The following COCH variants were observed in gnomAD, a reference collection of about 807,000 sequenced individuals.
The protein encoded by COCH is cochlin.
A neutral mutation model predicts 54.8 loss-of-function variants in COCH; 40 were observed. That is an observed-to-expected ratio of 0.73 (90% CI 0.57 to 0.95). COCH has a LOEUF of 0.95. Ranked by LOEUF, COCH falls within the 40% of genes least tolerant of loss-of-function variation. The probability of loss-of-function intolerance (pLI) is 0.00; values close to 1 mark genes in which losing one functional copy is unlikely to be tolerated. For missense variants in COCH, 605 were observed against 675.0 expected, an observed-to-expected ratio of 0.90 and a Z score of 1.15; for synonymous variants, 256 against 237.9, an observed-to-expected ratio of 1.08 and a Z score of -0.70.
chr14:30,877,493 A>C lies in COCH; in HGVS notation c.83-79A>C, dbSNP rs1293247315. ...TAGAAATTAGGGAAGTAAAACTTAA[A>C]TCTCACACTGTAGTCTCCCCACCAC... On this transcript the variant is annotated intron_variant, in intron 3 of 11. Transcript: ENST00000396618. The surrounding 1 kb of genome is among the most constrained non-coding windows in gnomAD (Gnocchi z 8.6). 2 of 1,557,618 alleles carry C rather than the reference A, an allele frequency of 1.3e-6. No homozygotes were observed. The highest frequency in any genetic ancestry group is 1.8e-6 in the Non-Finnish European group (2 of 1,140,032).
At chr14:30,885,196 C>G in intron 9 of COCH, 198 bp from the exon 10 acceptor site, 1 of 1,057,070 alleles carries the variant, frequency 9.5e-7, no homozygotes, top group South Asian at 1.6e-5. Context: ...GATAAATAGG[C>G]CTGGTAGATA....
intron 8 of COCH, among the ~76,000 whole-genome samples, chr14:30,881,043 C>T (rs905074615): frequency 2.0e-5 from 3 of 151,634 alleles, no homozygotes; most frequent in South Asian, 4.2e-4. Flanking sequence ...TGTGAAACAC[C>T]GTCTCTACTA....
downstream of COCH, among the ~76,000 whole-genome samples, chr14:30,890,962 C>T (rs763448961): frequency 1.3e-5 from 2 of 151,792 alleles, no homozygotes; most frequent in Non-Finnish European, 2.9e-5. Context: ...CTGCTTGAGC[C>T]GAGGAGGTCA....
At chr14:30,893,289 G>A (rs561651414), downstream of COCH, among the ~76,000 whole-genome samples, 1 of 151,470 alleles carries the variant, frequency 6.6e-6, no homozygotes, top group Non-Finnish European at 1.5e-5. Context: ...TGGGACCATA[G>A]GCACCCGCCA....
intron 8 of COCH, among the ~76,000 whole-genome samples, chr14:30,882,542 TATCACAAATATTC>T (rs1055236871): frequency 7.4e-6 from 1 of 135,788 alleles, no homozygotes; most frequent in African/African-American, 2.6e-5. Flanking sequence ...CATTTTCTCA[TATCACAAATATTC>T]ATCAAAAATA....
chr14:30,892,048 A>G (rs955883489), downstream of COCH, among the ~76,000 whole-genome samples: 2 of 152,236 alleles, frequency 1.3e-5, no homozygotes, highest in Non-Finnish European at 1.5e-5. Context: ...ATGAAATGAG[A>G]GGCAGAATAT....
chr14:30,883,270 AT>A (rs1486819821), intron 8 of COCH, among the ~76,000 whole-genome samples: 1 of 152,158 alleles, frequency 6.6e-6, no homozygotes, highest in Admixed American at 6.5e-5. Context: ...TTAACATCCC[AT>A]GAGGCAAATT....
intron 8 of COCH, among the ~76,000 whole-genome samples, chr14:30,881,724 C>T (rs972363209): frequency 4.0e-5 from 6 of 151,898 alleles, no homozygotes; most frequent in South Asian, 2.1e-4. Context: ...TTTGGGAGGC[C>T]GAGGCGGATG....
At chr14:30,894,026 C>T (rs984636291), downstream of COCH, 4 of 152,482 alleles carry the variant, frequency 2.6e-5, no homozygotes, top group African/African-American at 7.2e-5. Context: ...CATCAAAACT[C>T]GCAAACTGAT....
In COCH at chr14:30,880,706, G is replaced by A. The variant is rs1197333106; in HGVS notation, c.601G>A (p.Gly201Arg). 8 of 1,613,662 alleles carry A rather than the reference G, an allele frequency of 5.0e-6. No individual in the cohort carries two copies. The highest frequency in any genetic ancestry group is 6.8e-6 in the Non-Finnish European group (8 of 1,179,822). The change falls in exon 8 of 12, where the codon GGA becomes AGA. Residue 201 changes from glycine to arginine, a missense_variant. Gly to Arg is a moderately radical substitution (Grantham distance 125). Coordinates refer to ENST00000396618, the MANE Select transcript of COCH (RefSeq NM_004086.3). ...TCTAATGTTGGGAATTGGAACAGAA[G>A]GACCACATGTGGGCCTTGTTCAAGC... is the stretch of plus-strand genomic sequence containing the variant. ...VALMLGIGTE[G>R]PHVGLVQASE...
intron 3 of COCH, chr14:30,876,526 T>C (rs1895361715): frequency 6.6e-6 from 1 of 152,246 alleles, no homozygotes; most frequent in African/African-American, 2.4e-5. Context: ...TTTGGGCAAA[T>C]TAACCCCACG....
rs1021510629 is a variant in COCH, at chr14:30,874,603, C to G, written c.-24+12C>G. 2.0e-6 allele frequency: 1 copy of G among 493,520 alleles called. No individual in the cohort carries two copies. Among genetic ancestry groups the G allele is most frequent in the Non-Finnish European group, 3.7e-6 (1 of 272,642 alleles). 30.6% of individuals were successfully genotyped at this position (493,520 alleles called of 1,614,324 possible). Reference sequence around the variant, plus strand: ...TGGATCTCGAGCAGGTGCGGAGCCCCGGGCGGCGGGCGCGGGTGCGAGGGA... The same window carrying G: ...TGGATCTCGAGCAGGTGCGGAGCCCGGGGCGGCGGGCGCGGGTGCGAGGGA... On this transcript the variant is annotated intron_variant, in intron 1 of 11. Transcript: ENST00000396618.
In COCH at chr14:30,880,842, A is replaced by G. The variant is rs532486312; in HGVS notation, c.629+108A>G. On this transcript the variant is annotated intron_variant, in intron 8 of 11. Coordinates refer to ENST00000396618, the MANE Select transcript of COCH (RefSeq NM_004086.3). ...ACATAGTGATGTTTTCATACATACA[A>G]TGTATAGTGGTCAAATCAGAGTAAT... 1.3e-3 allele frequency: 1,056 copies of G among 821,814 alleles called. 2 individuals carry two copies. Among genetic ancestry groups the G allele is most frequent in the Non-Finnish European group, 1.7e-3 (852 of 493,516 alleles). The allele number at this position is 821,814 out of a possible 1,614,324, so 50.9% of individuals were successfully genotyped here. A position where few individuals can be genotyped will look rare whatever the true frequency, so the allele number is the denominator to read the frequency against.
In COCH at chr14:30,884,914, A is replaced by G. The variant is rs765562661; in HGVS notation, c.733+258A>G. The G allele has an allele frequency of 1.9e-6, 3 of 1,596,196 alleles. No individual in the cohort carries two copies. The African/African-American group carries it at 4.0e-5, about 21-fold the overall frequency. On this transcript the variant is annotated intron_variant, in intron 9 of 11. Transcript: ENST00000396618. ...CTCATACATTGGATTGACTAGATATAACATTGGAGAAGTATCTCTTTGTAA... is the reference window on the plus strand; with the variant it reads ...CTCATACATTGGATTGACTAGATATGACATTGGAGAAGTATCTCTTTGTAA...
Position 30,889,891 on chromosome 14 carries a change from A to C in COCH, c.*100A>C. On this transcript the variant is annotated 3_prime_UTR_variant, in exon 12 of 12. Transcript: ENST00000396618. The stretch of plus-strand genomic sequence containing the variant: ...ATGCTTTAGCATACTAGAATCAGAT[A>C]CAAAACTATTAAGTATGTCAACAGC... 6.8e-7 allele frequency: 1 copy of C among 1,478,420 alleles called. No homozygotes were observed. The highest frequency in any genetic ancestry group is 1.4e-5 in the African/African-American group (1 of 70,798). 91.6% of individuals were successfully genotyped at this position (1,478,420 alleles called of 1,614,324 possible). A position where few individuals can be genotyped will look rare whatever the true frequency, so the allele number is the denominator to read the frequency against.
At chr14:30,875,126 G>T in intron 3 of COCH, 23 bp downstream of exon 3, 1 of 1,550,808 alleles carries the variant, frequency 6.4e-7, no homozygotes. Context: ...GCTGGGGTGC[G>T]TCCAGGCGGT....
intron 9 of COCH, 95 bp from the exon 10 acceptor site, chr14:30,885,297 TAA>T (rs1272000776): frequency 8.0e-6 from 9 of 1,131,094 alleles, no homozygotes; most frequent in Non-Finnish European, 1.1e-5. Flanking sequence ...GTTCTATATA[TAA>T]TTCTTAAACT....
At chr14:30,880,802 A>G (rs1354802053) in intron 8 of COCH, 68 bp downstream of exon 8, 9 of 1,147,240 alleles carry the variant, frequency 7.8e-6, no homozygotes, top group Non-Finnish European at 9.1e-6. Context: ...TAATAATTAT[A>G]TATACTTATG....
chr14:30,878,780 T>C lies in COCH; in HGVS notation c.240-31T>C, dbSNP rs1462578403. 6.8e-6 allele frequency: 11 copies of C among 1,613,954 alleles called. No individual in the cohort carries two copies. The Admixed American group carries it at 1.8e-4, about 27-fold the overall frequency. ...GTGGGATGCCCTGAAAAAGTGTGGA[T>C]AGCATCTCAGCTGCTATTCTTGTGT... On this transcript the variant is annotated intron_variant, in intron 4 of 11. Coordinates refer to ENST00000396618, the MANE Select transcript of COCH (RefSeq NM_004086.3).
Sources: allele counts gnomAD v4.1 joint callset (sites outside exome capture counted in the v4.1 genomes callset), GRCh38; gene constraint gnomAD v4.1.1; non-coding constraint Gnocchi (gnomAD v3.1); transcripts MANE v1.5; gene names NCBI Gene and HGNC (gene_info 2026-07-23, HGNC 2026-07-21).